Variants in TCAIM observed in about 807,000 individuals in gnomAD.
TCAIM encodes the protein T-cell activation inhibitor, mitochondrial.
TCAIM carries 36 observed loss-of-function variants against 58.6 expected under a neutral mutation model. The ratio of observed to expected loss-of-function variants is 0.61; its 90% confidence interval spans 0.47 to 0.81. The LOEUF (loss-of-function observed/expected upper bound fraction) is 0.81. Among genes scored for constraint, TCAIM ranks in the 30% least tolerant of loss-of-function variants. The pLI is 0.00. For synonymous variants in TCAIM, 172 were observed against 193.6 expected (o/e 0.89, Z 0.93); for missense variants, 466 against 579.6 (o/e 0.80, Z 2.01).
rs1332378271 is a variant in TCAIM, at chr3:44,407,775, A to G, written c.*93A>G. ...AATTTGATATAACAGTATTATTTAC[A>G]TAAGAACAAAGTTTCTAACTGCTGC... is the stretch of plus-strand genomic sequence containing the variant. On this transcript the variant is annotated 3_prime_UTR_variant, in exon 11 of 11. Coordinates refer to ENST00000342649, the MANE Select transcript of TCAIM (RefSeq NM_173826.4). 7.8e-7 allele frequency: 1 copy of G among 1,283,888 alleles called. No individual in the cohort carries two copies. Among genetic ancestry groups the G allele is most frequent in the African/African-American group, 1.5e-5 (1 of 65,260 alleles). 79.5% of individuals were successfully genotyped at this position (1,283,888 alleles called of 1,614,324 possible). A position where few individuals can be genotyped will look rare whatever the true frequency, so the allele number is the denominator to read the frequency against.
intron 10 of TCAIM, among the ~76,000 whole-genome samples, 176 bp downstream of exon 10, chr3:44,401,510 T>C (rs1702021395): frequency 6.6e-6 from 1 of 152,204 alleles, no homozygotes; most frequent in African/African-American, 2.4e-5. Flanking sequence ...ACCACGGACC[T>C]CAGTTTGAGA....
chr3:44,405,365 T>TG (rs1702083562), intron 10 of TCAIM, among the ~76,000 whole-genome samples: 1 of 152,216 alleles, frequency 6.6e-6, no homozygotes, highest in South Asian at 2.1e-4. Flanking sequence ...TTCTGATACT[T>TG]GCATGTAGTA....
In TCAIM at chr3:44,355,797, A is replaced by G. The variant is rs145349186; in HGVS notation, c.29+986A>G. Among the ~76,000 whole-genome samples, 405 of 152,344 alleles carry G rather than the reference A, an allele frequency of 2.7e-3. 2 individuals are homozygous for G. The highest frequency in any genetic ancestry group is 0.016 in the East Asian group (82 of 5,186). On this transcript the variant is annotated intron_variant, in intron 2 of 10. Transcript: ENST00000342649. The stretch of plus-strand genomic sequence containing the variant: ...AACTGCTCCCTGGCCTTCTGTAACC[A>G]GGCTGAATTTAGAAAGATAATAATG...
chr3:44,348,199 G>A (rs1266396677), intron 1 of TCAIM, among the ~76,000 whole-genome samples: 1 of 152,154 alleles, frequency 6.6e-6, no homozygotes, highest in South Asian at 2.1e-4. Flanking sequence ...AGAAGGGGAC[G>A]GACTTACCCT....
intron 1 of TCAIM, among the ~76,000 whole-genome samples, chr3:44,346,196 T>C (rs894061099): frequency 1.3e-5 from 2 of 152,182 alleles, no homozygotes; most frequent in East Asian, 1.9e-4. Context: ...TTTCCGAAGA[T>C]TGAGGACGGT....
chr3:44,397,840 A>G (rs943555512), intron 8 of TCAIM, among the ~76,000 whole-genome samples: 6 of 152,232 alleles, frequency 3.9e-5, no homozygotes, highest in African/African-American at 1.4e-4. Flanking sequence ...TCATCCACAT[A>G]TCTTCTTTAG....
In TCAIM at chr3:44,409,126, T is replaced by C. The variant is rs1018593636; in HGVS notation, c.*1444T>C. The C allele has an allele frequency of 6.6e-6, 1 of 152,216 alleles. No individual in the cohort carries two copies. Among genetic ancestry groups the C allele is most frequent in the Admixed American group, 6.5e-5 (1 of 15,278 alleles). 9.4% of individuals were successfully genotyped at this position (152,216 alleles called of 1,614,324 possible). On this transcript the variant is annotated 3_prime_UTR_variant, in exon 11 of 11. Transcript: ENST00000342649. The stretch of plus-strand genomic sequence containing the variant: ...GTTTTATATTTATCTAAAACACTGA[T>C]TTTAAAAGTTTACATTCAAATGTGT...
intron 5 of TCAIM, among the ~76,000 whole-genome samples, chr3:44,386,009 G>C (rs934910821): frequency 1.3e-5 from 2 of 150,908 alleles, no homozygotes; most frequent in Non-Finnish European, 3.0e-5. Flanking sequence ...TTTTTAACCT[G>C]TTTTTTAATT....
In TCAIM at chr3:44,367,478, T is replaced by G; in HGVS notation, c.342T>G (p.Thr114=). ...TAGGATTTCGAGCAGTCAAATTTACTTTGCACACCAGAGATCTGCTAAGCA... is the reference window on the plus strand; with the variant it reads ...TAGGATTTCGAGCAGTCAAATTTACGTTGCACACCAGAGATCTGCTAAGCA... The part of the protein sequence containing the change: ...STSGFRAVKF[T]LHTRDLLSTV... Residue 114 remains threonine (T), a synonymous_variant, in exon 5 of 11, where the codon ACT becomes ACG. Transcript: ENST00000342649. The G allele has an allele frequency of 6.2e-7, 1 of 1,611,016 alleles. No homozygotes were observed. Among genetic ancestry groups the G allele is most frequent in the Non-Finnish European group, 8.5e-7 (1 of 1,177,858 alleles).
At chr3:44,388,295 G>T (rs1701776604) in intron 5 of TCAIM, among the ~76,000 whole-genome samples, 2 of 152,110 alleles carry the variant, frequency 1.3e-5, no homozygotes, top group Non-Finnish European at 2.9e-5. Flanking sequence ...CAAATCGTGA[G>T]CCACATTTAG....
At chr3:44,393,065 C>A in intron 6 of TCAIM, 88 bp downstream of exon 6, 1 of 1,136,840 alleles carries the variant, frequency 8.8e-7, no homozygotes, top group Non-Finnish European at 1.3e-6. Context: ...ATATTTGCAT[C>A]TTTAATTGCT....
chr3:44,395,596 G>T (rs1448611664), intron 6 of TCAIM, among the ~76,000 whole-genome samples: 1 of 152,212 alleles, frequency 6.6e-6, no homozygotes, highest in Non-Finnish European at 1.5e-5. Context: ...CATCGTGTCA[G>T]TGTCAGGTTC....
intron 1 of TCAIM, chr3:44,340,609 A>G (rs1389480778): frequency 6.6e-6 from 1 of 151,972 alleles, no homozygotes; most frequent in Non-Finnish European, 1.5e-5. Context: ...AATTATTTTT[A>G]AAGAATTAAA....
At chr3:44,370,690 A>C (rs1378125772) in intron 5 of TCAIM, among the ~76,000 whole-genome samples, 1 of 142,984 alleles carries the variant, frequency 7.0e-6, no homozygotes, top group Non-Finnish European at 1.5e-5. Context: ...TAGTTTTTTT[A>C]TGCTTATATT....
chr3:44,355,112 G>A (rs1282349547), intron 2 of TCAIM, among the ~76,000 whole-genome samples: 1 of 152,144 alleles, frequency 6.6e-6, no homozygotes, highest in Non-Finnish European at 1.5e-5. Context: ...AGCATCTAGG[G>A]CACACAGTTT....
At chr3:44,397,785 C>A (rs1399379759) in intron 8 of TCAIM, among the ~76,000 whole-genome samples, 3 of 152,146 alleles carry the variant, frequency 2.0e-5, no homozygotes, top group African/African-American at 7.2e-5. Flanking sequence ...ATTTGCATTT[C>A]TCTAATAATA....
In TCAIM at chr3:44,358,274, C is replaced by T. The variant is rs911469992; in HGVS notation, c.165+398C>T. The T allele has an allele frequency of 1.8e-5, 20 of 1,141,196 alleles. No individual in the cohort carries two copies. In the Admixed American group the frequency reaches 3.1e-4, roughly 18 times the overall value. 70.7% of individuals were successfully genotyped at this position (1,141,196 alleles called of 1,614,324 possible). Reference sequence around the variant, plus strand: ...TGATTTTTCCTTATGATGCATGCTGCTGGACCACTCCCCTACAACATCAGT... The same window carrying T: ...TGATTTTTCCTTATGATGCATGCTGTTGGACCACTCCCCTACAACATCAGT... On this transcript the variant is annotated intron_variant, in intron 3 of 10. Coordinates refer to ENST00000342649, the MANE Select transcript of TCAIM (RefSeq NM_173826.4).
At position 44,396,498 on chromosome 3, in the gene TCAIM, G is replaced by T. The variant is rs1177522999; in HGVS notation, c.793+1G>T. On this transcript the variant is annotated splice_donor_variant, in intron 7 of 10. Coordinates refer to ENST00000342649, the MANE Select transcript of TCAIM (RefSeq NM_173826.4). LOFTEE classifies it high-confidence loss of function. ...TTGGAAACACTTAAAAAAGCAAAAG[G>T]TAAACATTTTCCATTTTCTTTTAAA... The T allele has an allele frequency of 7.5e-6, 12 of 1,610,670 alleles. No homozygotes were observed. The highest frequency in any genetic ancestry group is 1.0e-5 in the Non-Finnish European group (12 of 1,179,152).
Position 44,406,543 on chromosome 3 carries a change from T to C in TCAIM, c.1251-899T>C, listed in dbSNP as rs1702104382. On this transcript the variant is annotated intron_variant, in intron 10 of 10. Transcript: ENST00000342649. Reference sequence around the variant, plus strand: ...CAGCACTTAAGAAAGTGATCAGTATTATAGGCCATGATAACTAACTGCTAT... The same window carrying C: ...CAGCACTTAAGAAAGTGATCAGTATCATAGGCCATGATAACTAACTGCTAT... Among the ~76,000 whole-genome samples the C allele has an allele frequency of 3.9e-5, 6 of 152,340 alleles. No individual in the cohort carries two copies. In the South Asian group the frequency reaches 1.2e-3, roughly 32 times the overall value.
Sources: allele counts gnomAD v4.1 joint callset (sites outside exome capture counted in the v4.1 genomes callset), GRCh38; gene constraint gnomAD v4.1.1; transcripts MANE v1.5; gene names NCBI Gene and HGNC (gene_info 2026-07-23, HGNC 2026-07-21).